The following FHOD3 variants were observed in gnomAD, a reference collection of about 807,000 sequenced individuals.
FHOD3 encodes the protein FH1/FH2 domain-containing protein 3.
Under a neutral mutation model 173.0 loss-of-function variants are expected in FHOD3, and 90 were observed. The observed-to-expected ratio is 0.52, with a 90% confidence interval of 0.44 to 0.62. The LOEUF is 0.62. FHOD3 is among the 20% of genes least tolerant of loss of function. The pLI is 0.00. For missense variants in FHOD3, 1,945 were observed against 2,034.7 expected, an observed-to-expected ratio of 0.96 and a Z score of 0.85; for synonymous variants, 828 against 823.0, an observed-to-expected ratio of 1.01 and a Z score of -0.10.
At chr18:36,479,666 A>G (rs1599309913) in intron 3 of FHOD3, among the ~76,000 whole-genome samples, 1 of 152,324 alleles carries the variant, frequency 6.6e-6, no homozygotes, top group East Asian at 1.9e-4. Flanking sequence ...TTATTCTTAG[A>G]CATATATTAA....
chr18:36,316,124 T>TAA (rs754327581), intron 1 of FHOD3, among the ~76,000 whole-genome samples: 1 of 140,202 alleles, frequency 7.1e-6, no homozygotes, highest in Non-Finnish European at 1.6e-5. Flanking sequence ...TTGCTCTCAT[T>TAA]AAAAAAAAAA....
chr18:36,487,953 A>G (rs574083689), intron 3 of FHOD3, among the ~76,000 whole-genome samples: 5 of 152,358 alleles, frequency 3.3e-5, no homozygotes, highest in Admixed American at 2.6e-4. Context: ...AGACAAAACC[A>G]GTATTTAAGC....
chr18:36,579,137 G>A (rs2058759738), intron 6 of FHOD3, among the ~76,000 whole-genome samples: 2 of 152,118 alleles, frequency 1.3e-5, no homozygotes, highest in South Asian at 4.1e-4. Flanking sequence ...GTGCTGGGAA[G>A]CCTCCCTAAC....
At chr18:36,556,546 C>T (rs1015382592) in intron 5 of FHOD3, among the ~76,000 whole-genome samples, 2 of 152,144 alleles carry the variant, frequency 1.3e-5, no homozygotes, top group African/African-American at 4.8e-5. Context: ...GTTCAGATGA[C>T]GTTATACCTC....
rs78455533 is a variant in FHOD3, at chr18:36,625,333, G to A, written c.958-178G>A. On this transcript the variant is annotated intron_variant, in intron 9 of 28. Transcript: ENST00000590592. ...AGTGGCAGGCATCTTCCAGTGCCCA[G>A]GCTGTGTTTGGCTTGGACACATGTG... Among the ~76,000 whole-genome samples the A allele has an allele frequency of 0.026, 3,921 of 152,338 alleles. 179 individuals carry two copies. Among genetic ancestry groups the A allele is most frequent in the African/African-American group, 0.09 (3,755 of 41,566 alleles).
intron 3 of FHOD3, among the ~76,000 whole-genome samples, chr18:36,478,544 A>G (rs879742014): frequency 6.6e-6 from 1 of 151,744 alleles, no homozygotes; most frequent in Admixed American, 6.6e-5. Flanking sequence ...AACCATCCCC[A>G]CTCCCTCTGC....
At chr18:36,569,227 A>G (rs901882024) in intron 5 of FHOD3, among the ~76,000 whole-genome samples, 18 of 152,218 alleles carry the variant, frequency 1.2e-4, no homozygotes, top group Non-Finnish European at 2.4e-4. Flanking sequence ...AATGCTGCTT[A>G]CAAGAAACCC....
chr18:36,424,699 C>A (rs956750843), intron 3 of FHOD3, among the ~76,000 whole-genome samples: 5 of 152,240 alleles, frequency 3.3e-5, no homozygotes, highest in Non-Finnish European at 7.3e-5. Flanking sequence ...TACAATTTGG[C>A]TTTCAGTTAC....
At chr18:36,658,606 C>T (rs1365258122) in intron 14 of FHOD3, among the ~76,000 whole-genome samples, 1 of 152,030 alleles carries the variant, frequency 6.6e-6, no homozygotes, top group Non-Finnish European at 1.5e-5. Flanking sequence ...TATAATTAAT[C>T]CAGGACCTAC....
intron 28 of FHOD3, among the ~76,000 whole-genome samples, chr18:36,773,306 C>G (rs1464781636): frequency 6.6e-6 from 1 of 152,150 alleles, no homozygotes; most frequent in Non-Finnish European, 1.5e-5. Context: ...GATGAAGGAG[C>G]AGTAAAAAGA....
intron 2 of FHOD3, among the ~76,000 whole-genome samples, chr18:36,368,080 G>C (rs2046991956): frequency 6.6e-6 from 1 of 152,088 alleles, no homozygotes; most frequent in Non-Finnish European, 1.5e-5. Flanking sequence ...TTAGAGCAGT[G>C]TGAAAACGGA....
At chr18:36,488,989 T>A (rs1433886666) in intron 3 of FHOD3, among the ~76,000 whole-genome samples, 1 of 151,838 alleles carries the variant, frequency 6.6e-6, no homozygotes, top group East Asian at 1.9e-4. Flanking sequence ...GAGAATGGGG[T>A]GCTTAGCAGA....
chr18:36,563,163 G>A (rs1442480054), intron 5 of FHOD3, among the ~76,000 whole-genome samples: 1 of 152,182 alleles, frequency 6.6e-6, no homozygotes, highest in Non-Finnish European at 1.5e-5. Flanking sequence ...ATCCTAAATA[G>A]AGAGAAGTAC....
At chr18:36,490,082 C>T (rs372756562) in intron 3 of FHOD3, among the ~76,000 whole-genome samples, 2 of 152,206 alleles carry the variant, frequency 1.3e-5, no homozygotes, top group Non-Finnish European at 2.9e-5. Flanking sequence ...CTGCCTCCTC[C>T]GGGCACCTGT....
chr18:36,765,641 A>G (rs1226535112), intron 27 of FHOD3, among the ~76,000 whole-genome samples: 3 of 152,232 alleles, frequency 2.0e-5, no homozygotes, highest in Non-Finnish European at 4.4e-5. Context: ...ATTAGACTCT[A>G]TAAATAAGAA....
chr18:36,470,735 C>G (rs768835593), intron 3 of FHOD3, among the ~76,000 whole-genome samples: 16 of 152,218 alleles, frequency 1.1e-4, no homozygotes, highest in Non-Finnish European at 1.9e-4. Flanking sequence ...AAATTTAGTT[C>G]AGGCTCAGCT....
chr18:36,690,290 G>A (rs965971236), intron 16 of FHOD3, among the ~76,000 whole-genome samples: 1 of 152,162 alleles, frequency 6.6e-6, no homozygotes, highest in Non-Finnish European at 1.5e-5. Context: ...GAGGATAAAC[G>A]GGAATGTTTG....
At chr18:36,699,153 G>A (rs1447383866) in intron 17 of FHOD3, among the ~76,000 whole-genome samples, 3 of 152,186 alleles carry the variant, frequency 2.0e-5, no homozygotes, top group Non-Finnish European at 4.4e-5. Context: ...AAGAAACGTG[G>A]GAGAGCTGTA....
intron 16 of FHOD3, among the ~76,000 whole-genome samples, chr18:36,688,296 A>G (rs1342858315): frequency 6.6e-6 from 1 of 152,194 alleles, no homozygotes; most frequent in Non-Finnish European, 1.5e-5. Context: ...GGAACCTAAC[A>G]ATTTCTGGAC....
Sources: allele counts gnomAD v4.1 joint callset (sites outside exome capture counted in the v4.1 genomes callset), GRCh38; gene constraint gnomAD v4.1.1; transcripts MANE v1.5; gene names NCBI Gene and HGNC (gene_info 2026-07-23, HGNC 2026-07-21).